The following EYS variants were observed in gnomAD, a reference collection of about 807,000 sequenced individuals.
EYS encodes the protein EGF-like photoreceptor maintenance factor, also known as protein eyes shut homolog.
A neutral mutation model predicts 282.1 loss-of-function variants in EYS; 250 were observed. That is an observed-to-expected ratio of 0.89 (90% confidence interval 0.80 to 0.98). The LOEUF is 0.98. Ranked by LOEUF, EYS falls within the 50% of genes least tolerant of loss-of-function variation. The pLI is 0.00. For missense variants in EYS, 4,016 were observed against 3,709.0 expected (o/e 1.08, Z -2.15); for synonymous variants, 1,355 against 1,282.9 (o/e 1.06, Z -1.20).
At chr6:65,539,293 G>A (rs969920031) in intron 2 of EYS, among the ~76,000 whole-genome samples, 4 of 152,110 alleles carry the variant, frequency 2.6e-5, no homozygotes, top group African/African-American at 7.2e-5. Flanking sequence ...ACTAGGAGAC[G>A]AAGTTCTTCT....
rs1252480590 is a variant in EYS, at chr6:63,720,335, T to G, written c.*261A>C. ...ATAGGTAAAAAGTGAATAAGCAAAGTGAATAAGCACATTCTGTGAATAAGC... is the reference window on the plus strand; with the variant it reads ...ATAGGTAAAAAGTGAATAAGCAAAGGGAATAAGCACATTCTGTGAATAAGC... On this transcript the variant is annotated 3_prime_UTR_variant, in exon 43 of 43. Transcript: ENST00000503581. 2 of 407,900 alleles carry G rather than the reference T, an allele frequency of 4.9e-6. No homozygotes were observed. Among genetic ancestry groups the G allele is most frequent in the Admixed American group, 8.1e-5 (2 of 24,608 alleles). 25.3% of individuals were successfully genotyped at this position (407,900 alleles called of 1,614,324 possible). A position where few individuals can be genotyped will look rare whatever the true frequency, so the allele number is the denominator to read the frequency against.
At chr6:64,794,455 A>G (rs1562195327) in intron 22 of EYS, among the ~76,000 whole-genome samples, 1 of 152,024 alleles carries the variant, frequency 6.6e-6, no homozygotes, top group Non-Finnish European at 1.5e-5. Flanking sequence ...GAAAGTGTGG[A>G]GCACCTCCCC....
At chr6:63,846,479 A>T (rs966710763) in intron 36 of EYS, among the ~76,000 whole-genome samples, 2 of 152,236 alleles carry the variant, frequency 1.3e-5, no homozygotes, top group Non-Finnish European at 2.9e-5. Context: ...ACAAAAAAAG[A>T]TGAGATTCAA....
chr6:65,015,687 A>G (rs1345655889), intron 13 of EYS, among the ~76,000 whole-genome samples: 1 of 151,972 alleles, frequency 6.6e-6, no homozygotes, highest in Non-Finnish European at 1.5e-5. Flanking sequence ...GTTTTTTATT[A>G]GTTTTTTACA....
chr6:65,177,859 C>T (rs1208242276), intron 12 of EYS, among the ~76,000 whole-genome samples: 11 of 151,806 alleles, frequency 7.2e-5, no homozygotes, highest in Non-Finnish European at 1.2e-4. Flanking sequence ...GTAAAAATGC[C>T]TTCCAGAGAC....
At chr6:64,663,073 A>T (rs2039506) in intron 22 of EYS, among the ~76,000 whole-genome samples, 30,202 of 151,880 alleles carry the variant, frequency 0.2, 3,478 homozygotes, top group East Asian at 0.35. Flanking sequence ...CTAGATTTTT[A>T]AAAATCTGTA....
chr6:63,771,437 C>T (rs2149660940), intron 40 of EYS, among the ~76,000 whole-genome samples: 1 of 152,206 alleles, frequency 6.6e-6, no homozygotes, highest in South Asian at 2.1e-4. Flanking sequence ...TCTCCCCACC[C>T]CCTGCACCAA....
At chr6:64,302,654 C>T (rs986292613) in intron 30 of EYS, among the ~76,000 whole-genome samples, 19 of 152,114 alleles carry the variant, frequency 1.2e-4, no homozygotes, top group Non-Finnish European at 1.8e-4. Context: ...GGCCATAGAA[C>T]GTGCCCACTC....
chr6:65,128,764 T>C (rs376302169), intron 12 of EYS, among the ~76,000 whole-genome samples: 1 of 151,980 alleles, frequency 6.6e-6, no homozygotes, highest in East Asian at 1.9e-4. Flanking sequence ...GATTCAGCAT[T>C]ATTTCTACCA....
chr6:65,111,172 A>T (rs1315691188), intron 12 of EYS, among the ~76,000 whole-genome samples: 1 of 152,124 alleles, frequency 6.6e-6, no homozygotes, highest in Non-Finnish European at 1.5e-5. Flanking sequence ...TTATTTAGCC[A>T]TTGTTGAGTT....
intron 36 of EYS, among the ~76,000 whole-genome samples, chr6:63,811,008 C>A (rs553377251): frequency 6.6e-6 from 1 of 152,312 alleles, no homozygotes; most frequent in Non-Finnish European, 1.5e-5. Flanking sequence ...CCGGGTATTT[C>A]ATCCACCCCT....
chr6:65,225,801 T>G (rs923438943), intron 12 of EYS, among the ~76,000 whole-genome samples: 1 of 150,414 alleles, frequency 6.6e-6, no homozygotes, highest in African/African-American at 2.4e-5. Context: ...ATCAACTCAA[T>G]TGATGAAGAA....
intron 26 of EYS, among the ~76,000 whole-genome samples, chr6:64,502,442 C>T (rs1203286547): frequency 2.0e-5 from 3 of 152,044 alleles, no homozygotes; most frequent in African/African-American, 4.8e-5. Flanking sequence ...AGGATGGTCT[C>T]GATCTCCTGA....
chr6:64,129,581 G>A (rs941088621), intron 31 of EYS, among the ~76,000 whole-genome samples: 1 of 152,092 alleles, frequency 6.6e-6, no homozygotes, highest in East Asian at 1.9e-4. Flanking sequence ...TCTGTAGGTT[G>A]CCTGTTCACT....
intron 8 of EYS, among the ~76,000 whole-genome samples, chr6:65,370,590 T>C (rs1275829563): frequency 2.6e-5 from 4 of 151,766 alleles, no homozygotes; most frequent in Non-Finnish European, 5.9e-5. Flanking sequence ...CATAAAACCA[T>C]AATGCAAATT....
chr6:65,282,358 C>T (rs1173539041), intron 12 of EYS, among the ~76,000 whole-genome samples: 1 of 151,706 alleles, frequency 6.6e-6, no homozygotes, highest in Non-Finnish European at 1.5e-5. Context: ...TAAAAAGTAC[C>T]GATTTACAAT....
chr6:64,989,799 TACAC>T (rs3033931), intron 14 of EYS, among the ~76,000 whole-genome samples: 19,171 of 139,880 alleles, frequency 0.14, 1,450 homozygotes, highest in East Asian at 0.34. Context: ...TATATATTCA[TACAC>T]ACACACACAC....
chr6:64,198,043 A>C (rs1306839238), intron 31 of EYS, among the ~76,000 whole-genome samples: 1 of 151,706 alleles, frequency 6.6e-6, no homozygotes, highest in Non-Finnish European at 1.5e-5. Flanking sequence ...CCCAGGCTGG[A>C]GTGCAGTGGC....
intron 29 of EYS, among the ~76,000 whole-genome samples, chr6:64,358,788 A>G (rs1771915271): frequency 6.6e-6 from 1 of 151,722 alleles, no homozygotes; most frequent in South Asian, 2.1e-4. Flanking sequence ...CATAGTTGAG[A>G]GTAGGCAAAG....
Sources: allele counts gnomAD v4.1 joint callset (sites outside exome capture counted in the v4.1 genomes callset), GRCh38; gene constraint gnomAD v4.1.1; transcripts MANE v1.5; gene names NCBI Gene and HGNC (gene_info 2026-07-23, HGNC 2026-07-21).